The following BCR variants were observed in gnomAD, a reference collection of about 807,000 sequenced individuals.
BCR encodes the protein breakpoint cluster region protein.
BCR carries 58 observed loss-of-function variants against 138.6 expected under a neutral mutation model. That is an observed-to-expected ratio of 0.42 (90% CI 0.34 to 0.52). The LOEUF (loss-of-function observed/expected upper bound fraction) is 0.52. Ranked by LOEUF, BCR falls within the 20% of genes least tolerant of loss-of-function variation. BCR has a pLI of 0.06. For missense variants in BCR, 1,599 were observed against 1,727.2 expected (o/e 0.93, Z 1.32); for synonymous variants, 786 against 730.1 (o/e 1.08, Z -1.23).
In BCR at chr22:23,314,587, T is replaced by C. The variant is rs2074047244; in HGVS notation, c.3599T>C (p.Leu1200Pro). The change falls in exon 22 of 23, where the codon CTG becomes CCG. Residue 1200 changes from leucine (L) to proline (P), a missense_variant. Transcript: ENST00000305877. ...AAGGAGGCAGTCAATAAGATGTCCC[T>C]GCACAACCTCGCCACGGTCTTTGGC... The part of the protein sequence containing the change: ...AEKEAVNKMS[L>P]HNLATVFGPT... 5.0e-6 allele frequency: 8 copies of C among 1,611,996 alleles called. No individual in the cohort carries two copies. The East Asian group carries it at 8.9e-5, about 18-fold the overall frequency.
intron 13 of BCR, 75 bp from the exon 14 acceptor site, chr22:23,290,264 T>A (rs547410139): frequency 6.9e-7 from 1 of 1,459,652 alleles, no homozygotes; most frequent in South Asian, 1.1e-5. Flanking sequence ...TGGTTGATTT[T>A]GAAGCAGAGT....
chr22:23,312,802 G>A (rs2074022735), intron 19 of BCR, 85 bp from the exon 20 acceptor site: 1 of 1,538,242 alleles, frequency 6.5e-7, no homozygotes, highest in African/African-American at 1.4e-5. Flanking sequence ...AGCATGGCAG[G>A]GACAGTGCTT....
intron 16 of BCR, among the ~76,000 whole-genome samples, chr22:23,304,141 T>A (rs184568898): frequency 6.7e-6 from 1 of 149,650 alleles, no homozygotes; most frequent in Non-Finnish European, 1.5e-5. Context: ...GGTCTTGTTT[T>A]GCTGCCCAAG....
intron 1 of BCR, among the ~76,000 whole-genome samples, chr22:23,200,984 G>T (rs1465428389): frequency 6.6e-6 from 1 of 152,228 alleles, no homozygotes; most frequent in Admixed American, 6.5e-5. Context: ...TTTGCCTGGT[G>T]CTGGTGGACG....
At chr22:23,273,184 C>A (rs1359435114) in intron 7 of BCR, 51 bp downstream of exon 7, 1 of 1,571,988 alleles carries the variant, frequency 6.4e-7, no homozygotes, top group East Asian at 2.3e-5. Context: ...CCCTCGGGCA[C>A]ACACAGCAAC....
chr22:23,274,531 G>A (rs1030276468), intron 8 of BCR, among the ~76,000 whole-genome samples: 3 of 152,168 alleles, frequency 2.0e-5, no homozygotes, highest in Non-Finnish European at 2.9e-5. Context: ...GCTGACCCCC[G>A]GCCTCAGGGG....
At chr22:23,207,134 TG>T (rs2072626951) in intron 1 of BCR, among the ~76,000 whole-genome samples, 1 of 152,182 alleles carries the variant, frequency 6.6e-6, no homozygotes, top group South Asian at 2.1e-4. Context: ...CATTTGAAGT[TG>T]ATGTGACACC....
intron 10 of BCR, 102 bp from the exon 11 acceptor site, chr22:23,287,057 C>G (rs2073722521): frequency 2.0e-6 from 3 of 1,533,232 alleles, no homozygotes. Context: ...GGATTCTTGC[C>G]CTCTGCAGGC....
intron 8 of BCR, among the ~76,000 whole-genome samples, chr22:23,278,417 C>G (rs2073604281): frequency 6.6e-6 from 1 of 152,156 alleles, no homozygotes; most frequent in Admixed American, 6.5e-5. Flanking sequence ...CAAGGTCTTT[C>G]AGTTGATGAT....
chr22:23,240,928 C>T (rs924940353), intron 1 of BCR, among the ~76,000 whole-genome samples: 1 of 152,160 alleles, frequency 6.6e-6, no homozygotes, highest in Non-Finnish European at 1.5e-5. Context: ...TGGAATCTTA[C>T]GGTATTTGTT....
chr22:23,185,982 G>C (rs1275055278), intron 1 of BCR, among the ~76,000 whole-genome samples: 2 of 144,546 alleles, frequency 1.4e-5, no homozygotes, highest in East Asian at 2.1e-4. Flanking sequence ...GCCCGCCTCA[G>C]CCTCCGAAAG....
At chr22:23,255,041 TA>T (rs1315561771) in intron 2 of BCR, among the ~76,000 whole-genome samples, 2 of 151,886 alleles carry the variant, frequency 1.3e-5, no homozygotes, top group Non-Finnish European at 2.9e-5. Flanking sequence ...AAAATAATAA[TA>T]AAAAAATAAA....
intron 4 of BCR, chr22:23,262,701 G>A (rs1256836059): frequency 1.1e-5 from 2 of 182,228 alleles, no homozygotes; most frequent in South Asian, 1.7e-4. Context: ...TGGCGGGCCC[G>A]GGTGAGGGCG....
chr22:23,268,801 CTG>C (rs1288756248), intron 5 of BCR, among the ~76,000 whole-genome samples: 1 of 152,212 alleles, frequency 6.6e-6, no homozygotes, highest in Non-Finnish European at 1.5e-5. Context: ...TGAGGGGTGT[CTG>C]TAGTTCTGCC....
At chr22:23,242,900 G>A (rs746355842) in intron 1 of BCR, 41 of 455,658 alleles carry the variant, frequency 9.0e-5, no homozygotes, top group South Asian at 6.0e-4. Flanking sequence ...CTTCCTTTCT[G>A]TTCCCAGCAT....
intron 14 of BCR, among the ~76,000 whole-genome samples, chr22:23,292,229 A>G (rs1435509765): frequency 6.6e-6 from 1 of 151,998 alleles, no homozygotes; most frequent in African/African-American, 2.4e-5. Context: ...CTCTGTCCCC[A>G]CCAGTGCAGG....
Position 23,313,930 on chromosome 22 carries a change from CGTT to C in BCR, c.3458-35_3458-33del, listed in dbSNP as rs776622539. The C allele has an allele frequency of 4.5e-6, 7 of 1,552,272 alleles. No homozygotes were observed. In the South Asian group the frequency reaches 5.6e-5, roughly 12 times the overall value. ...AACACCTCGGGAGAGGTCTCTGGCT[CGTT>C]GTGACCCCAAGGAGTAACCCACCGC... On this transcript the variant is annotated intron_variant, in intron 20 of 22. Transcript: ENST00000305877.
At chr22:23,271,662 T>C (rs1163714301) in intron 6 of BCR, 70 bp downstream of exon 6, 14 of 1,513,564 alleles carry the variant, frequency 9.2e-6, no homozygotes, top group Non-Finnish European at 1.3e-5. Flanking sequence ...GGGGGCGTTG[T>C]GGAAAAGCAG....
intron 17 of BCR, chr22:23,310,054 C>A: frequency 1.7e-5 from 8 of 473,208 alleles, no homozygotes; most frequent in South Asian, 1.7e-4. Flanking sequence ...ATTGCAAGCT[C>A]CTATATCTAA....
Sources: allele counts gnomAD v4.1 joint callset (sites outside exome capture counted in the v4.1 genomes callset), GRCh38; gene constraint gnomAD v4.1.1; transcripts MANE v1.5; gene names NCBI Gene and HGNC (gene_info 2026-07-23, HGNC 2026-07-21).